NCR1: variants seen among roughly 807,000 people sequenced by gnomAD.
NCR1 encodes natural cytotoxicity triggering receptor 1, also known as NK cell-activating receptor.
In NCR1, 30 loss-of-function variants were observed where a neutral mutation model predicts 32.5. The ratio of observed to expected loss-of-function variants is 0.92; its 90% CI spans 0.69 to 1.25. The LOEUF (loss-of-function observed/expected upper bound fraction) is 1.25, where lower values mean the gene tolerates loss of function less well. NCR1 is among the 50% of genes most tolerant of loss of function. NCR1 has a pLI of 0.00. For missense variants in NCR1, 369 were observed against 380.7 expected, an observed-to-expected ratio of 0.97 and a Z score of 0.26; for synonymous variants, 169 against 143.4, an observed-to-expected ratio of 1.18 and a Z score of -1.28.
At chr19:54,901,560 TTGGGAGGCCGAGGCAGG>T (rs1295299107), upstream of NCR1, among the ~76,000 whole-genome samples, 1 of 151,504 alleles carries the variant, frequency 6.6e-6, no homozygotes, top group Non-Finnish European at 1.5e-5. Context: ...TCCCAATACC[TTGGGAGGCCGAGGCAGG>T]TGGGAGGCTG....
At chr19:54,930,664 A>C in the NCR1 span, 2 of 1,613,294 alleles carry the variant, frequency 1.2e-6, no homozygotes, top group Non-Finnish European at 1.7e-6. Flanking sequence ...GCATTGCTGT[A>C]ACCTACAGGA....
upstream of NCR1, among the ~76,000 whole-genome samples, chr19:54,903,816 GTTAC>G (rs1249943506): frequency 1.3e-5 from 2 of 151,690 alleles, no homozygotes; most frequent in Non-Finnish European, 2.9e-5. Context: ...TGGAGAGTTA[GTTAC>G]TTACTTAAAA....
At chr19:54,930,501 T>C in the NCR1 span, 1 of 1,599,352 alleles carries the variant, frequency 6.3e-7, no homozygotes, top group Non-Finnish European at 8.6e-7. Flanking sequence ...TCGCCTACCG[T>C]AGGTGTTTTA....
chr19:54,921,749 G>A, the NCR1 span, among the ~76,000 whole-genome samples: 1 of 139,410 alleles, frequency 7.2e-6, no homozygotes, highest in Non-Finnish European at 1.5e-5. Context: ...TCCAGCCTGG[G>A]CGACAGAGGC....
chr19:54,903,655 G>A (rs1399496402), upstream of NCR1, among the ~76,000 whole-genome samples: 1 of 134,326 alleles, frequency 7.4e-6, no homozygotes, highest in Admixed American at 8.3e-5. Context: ...ACACATATAT[G>A]TATATATGTA....
the NCR1 span, among the ~76,000 whole-genome samples, chr19:54,898,877 G>C: frequency 5.9e-5 from 9 of 152,294 alleles, no homozygotes; most frequent in African/African-American, 2.2e-4. Context: ...GAATGGAACT[G>C]TAAGCTGGAC....
downstream of NCR1, among the ~76,000 whole-genome samples, chr19:54,918,297 G>A (rs775998088): frequency 1.3e-4 from 19 of 151,536 alleles, no homozygotes; most frequent in African/African-American, 3.6e-4. Context: ...ACCAAGTCTC[G>A]CTCTGTTACC....
chr19:54,900,301 G>A, the NCR1 span, among the ~76,000 whole-genome samples: 2 of 152,054 alleles, frequency 1.3e-5, no homozygotes, highest in South Asian at 4.1e-4. Flanking sequence ...AAGGGAGATA[G>A]GAGTGCGGCC....
At chr19:54,937,594 A>G in the NCR1 span, among the ~76,000 whole-genome samples, 15 of 151,104 alleles carry the variant, frequency 9.9e-5, no homozygotes, top group African/African-American at 3.6e-4. Flanking sequence ...TCTGTCTCAG[A>G]AAAAATAAAA....
chr19:54,906,289 C>T lies in NCR1; in HGVS notation c.35-10C>T. Reference sequence around the variant, plus strand: ...GGGAGGCAACAGGTCTCATTACTCCCGTCTTCCAGGGCTGTGTCTGAGTCA... The same window carrying T: ...GGGAGGCAACAGGTCTCATTACTCCTGTCTTCCAGGGCTGTGTCTGAGTCA... On this transcript the variant is annotated splice_polypyrimidine_tract_variant and intron_variant, in intron 1 of 6. Coordinates refer to ENST00000291890, the MANE Select transcript of NCR1 (RefSeq NM_004829.7). 6 of 1,614,146 alleles carry T rather than the reference C, an allele frequency of 3.7e-6. No individual in the cohort carries two copies. Among genetic ancestry groups the T allele is most frequent in the South Asian group, 1.1e-5 (1 of 91,084 alleles).
the NCR1 span, among the ~76,000 whole-genome samples, chr19:54,925,474 T>C: frequency 9.2e-5 from 14 of 152,172 alleles, no homozygotes; most frequent in Non-Finnish European, 1.8e-4. Context: ...TGAAGCAGTT[T>C]ACATGCGTAT....
chr19:54,906,958 A>G (rs2067662828), intron 3 of NCR1, 151 bp downstream of exon 3: 1 of 901,774 alleles, frequency 1.1e-6, no homozygotes, highest in South Asian at 1.7e-5. Flanking sequence ...CCTTGCCTAC[A>G]AGGGGTTGTC....
At chr19:54,912,048 C>G in intron 5 of NCR1, 120 bp from the exon 6 acceptor site, 1 of 843,794 alleles carries the variant, frequency 1.2e-6, no homozygotes, top group Non-Finnish European at 2.0e-6. Flanking sequence ...CTCCTGGGAC[C>G]CGCAGGGTGA....
chr19:54,915,431 A>G (rs1404221916), downstream of NCR1, among the ~76,000 whole-genome samples: 1 of 151,878 alleles, frequency 6.6e-6, no homozygotes, highest in Non-Finnish European at 1.5e-5. Context: ...TATTCTCTAA[A>G]TCTGATTTTT....
the NCR1 span, among the ~76,000 whole-genome samples, chr19:54,935,601 C>CAGA: frequency 7.9e-5 from 12 of 151,082 alleles, no homozygotes; most frequent in African/African-American, 2.9e-4. Flanking sequence ...GAAGCTGAGG[C>CAGA]AGAACTGCTT....
the NCR1 span, among the ~76,000 whole-genome samples, chr19:54,898,640 A>C: frequency 2.0e-5 from 3 of 152,192 alleles, no homozygotes; most frequent in African/African-American, 7.2e-5. Flanking sequence ...ATTGAGAATA[A>C]GACGGCCTTT....
the NCR1 span, among the ~76,000 whole-genome samples, chr19:54,926,800 T>C: frequency 2.7e-5 from 4 of 150,608 alleles, no homozygotes; most frequent in East Asian, 2.0e-4. Context: ...ACTGTAATCC[T>C]AGCTACTCAG....
downstream of NCR1, among the ~76,000 whole-genome samples, chr19:54,919,652 T>C (rs1317573067): frequency 6.7e-6 from 1 of 150,230 alleles, no homozygotes; most frequent in Non-Finnish European, 1.5e-5. Flanking sequence ...CTGACTGATG[T>C]CAGGCCCTCC....
the NCR1 span, among the ~76,000 whole-genome samples, chr19:54,900,882 G>A: frequency 1.3e-3 from 205 of 151,964 alleles, no homozygotes; most frequent in East Asian, 0.036. Context: ...CTGTGTTGAC[G>A]GTTGCACCAA....
Sources: gnomAD v4.1 joint callset for allele counts (sites outside exome capture counted in the v4.1 genomes callset) on GRCh38, gnomAD v4.1.1 for gene constraint, MANE v1.5 for transcripts, NCBI Gene and HGNC (gene_info 2026-07-23, HGNC 2026-07-21) for gene names.